ITPR1: variants seen among roughly 807,000 people sequenced by gnomAD.
ITPR1 encodes the protein inositol 1,4,5-trisphosphate receptor type 1, also known as inositol 1,4,5-trisphosphate-gated calcium channel ITPR1.
In ITPR1, 96 loss-of-function variants were observed where a neutral mutation model predicts 318.4. The ratio of observed to expected loss-of-function variants is 0.30; its 90% CI spans 0.26 to 0.36. The LOEUF (loss-of-function observed/expected upper bound fraction) is 0.36, where lower values mean the gene tolerates loss of function less well. Ranked by LOEUF, ITPR1 falls within the 10% of genes least tolerant of loss-of-function variation. The probability of loss-of-function intolerance (pLI) is 1.00; values close to 1 mark genes in which losing one functional copy is unlikely to be tolerated. For missense variants in ITPR1, 2,440 were observed against 3,460.2 expected, an observed-to-expected ratio of 0.71 and a Z score of 7.40; for synonymous variants, 1,312 against 1,289.9, an observed-to-expected ratio of 1.02 and a Z score of -0.37.
chr3:4,768,543 G>T lies in ITPR1; in HGVS notation c.5758G>T (p.Val1920Phe). The change falls in exon 46 of 62, where the codon GTC becomes TTC. Residue 1920 changes from valine (V) to phenylalanine (F), a missense_variant. Transcript: ENST00000649015. ...GCCCACAACACAGATAACAGAAGAG[G>T]TCCGGGATCAGCTCCTGGAGGCCTC... ...KEPTTQITEE[V>F]RDQLLEASAA... 6.2e-7 allele frequency: 1 copy of T among 1,613,686 alleles called. No individual in the cohort carries two copies. The highest frequency in any genetic ancestry group is 8.5e-7 in the Non-Finnish European group (1 of 1,179,688).
In ITPR1 at chr3:4,723,079, C is replaced by T. The variant is rs185891301; in HGVS notation, c.5137-2467C>T. Among the ~76,000 whole-genome samples, 440 of 152,220 alleles carry T rather than the reference C, an allele frequency of 2.9e-3. 3 individuals carry two copies. The highest frequency in any genetic ancestry group is 0.01 in the African/African-American group (420 of 41,532). On this transcript the variant is annotated intron_variant, in intron 40 of 61. Coordinates refer to ENST00000649015, the MANE Select transcript of ITPR1 (RefSeq NM_001378452.1). ...AGGAGAATCGCTTGAACCCTGGAGGCGGAGGTTGCAGTGAGCCGAGATCAT... is the reference window on the plus strand; with the variant it reads ...AGGAGAATCGCTTGAACCCTGGAGGTGGAGGTTGCAGTGAGCCGAGATCAT...
At chr3:4,643,598 T>TGG (rs36053326) in intron 7 of ITPR1, among the ~76,000 whole-genome samples, 5 of 149,758 alleles carry the variant, frequency 3.3e-5, no homozygotes, top group African/African-American at 1.2e-4. Flanking sequence ...ATTGTTTTTT[T>TGG]GGGGGGGGGG....
intron 10 of ITPR1, among the ~76,000 whole-genome samples, chr3:4,647,647 A>T (rs2093490498): frequency 1.3e-5 from 2 of 152,238 alleles, no homozygotes; most frequent in Non-Finnish European, 2.9e-5. Context: ...TAGTAGGTAC[A>T]TAGTGAAATT....
At chr3:4,581,218 A>C (rs1559483363) in intron 4 of ITPR1, among the ~76,000 whole-genome samples, 1 of 152,216 alleles carries the variant, frequency 6.6e-6, no homozygotes, top group Non-Finnish European at 1.5e-5. Context: ...AGCAGGGTAG[A>C]GGAGGACCAG....
chr3:4,790,206 G>A (rs1294751865), intron 52 of ITPR1, among the ~76,000 whole-genome samples: 1 of 152,090 alleles, frequency 6.6e-6, no homozygotes, highest in East Asian at 1.9e-4. Context: ...GGACCCTCAG[G>A]CCCAAAGAGT....
At chr3:4,640,575 A>G (rs1315663120) in intron 6 of ITPR1, among the ~76,000 whole-genome samples, 1 of 152,226 alleles carries the variant, frequency 6.6e-6, no homozygotes, top group East Asian at 1.9e-4. Flanking sequence ...ATTGGAGAAT[A>G]TGGCTTGAAA....
chr3:4,815,250 G>T (rs375473626), intron 59 of ITPR1, 32 bp downstream of exon 59: 48 of 1,609,662 alleles, frequency 3.0e-5, no homozygotes, highest in Middle Eastern at 1.6e-4. Flanking sequence ...CAGCAAGGGC[G>T]TGAAGGCCCA....
At chr3:4,614,458 G>A (rs1481472460) in intron 4 of ITPR1, among the ~76,000 whole-genome samples, 1 of 152,176 alleles carries the variant, frequency 6.6e-6, no homozygotes, top group African/African-American at 2.4e-5. Context: ...AGGACTTCAA[G>A]CAAAGTAGTT....
intron 4 of ITPR1, among the ~76,000 whole-genome samples, chr3:4,621,027 G>C (rs62231565): frequency 1.3e-5 from 2 of 151,144 alleles, no homozygotes; most frequent in African/African-American, 4.9e-5. Context: ...TGGATGTTTC[G>C]TATGCATCTC....
chr3:4,781,283 A>C (rs567437074), intron 49 of ITPR1, among the ~76,000 whole-genome samples: 5 of 152,328 alleles, frequency 3.3e-5, no homozygotes, highest in African/African-American at 1.2e-4. Flanking sequence ...ATGCCCACTG[A>C]ATCTTCAAAG....
intron 4 of ITPR1, among the ~76,000 whole-genome samples, chr3:4,598,776 TA>T (rs2091045945): frequency 6.6e-6 from 1 of 152,220 alleles, no homozygotes; most frequent in Admixed American, 6.5e-5. Context: ...AAATTATACC[TA>T]AAAATTTGGG....
chr3:4,734,252 C>T (rs2043124474), intron 43 of ITPR1, among the ~76,000 whole-genome samples: 1 of 152,188 alleles, frequency 6.6e-6, no homozygotes, highest in African/African-American at 2.4e-5. Context: ...TCTTTACTTT[C>T]TGTAGTGAGG....
intron 4 of ITPR1, among the ~76,000 whole-genome samples, chr3:4,591,458 C>T (rs6784607): frequency 0.9 from 137,570 of 152,276 alleles, 62,324 homozygotes; most frequent in Middle Eastern, 0.97. Context: ...AGGTTTTGAT[C>T]TGCATTTCTC....
chr3:4,692,144 A>AG (rs1250615707), intron 32 of ITPR1, among the ~76,000 whole-genome samples: 4 of 113,732 alleles, frequency 3.5e-5, no homozygotes, highest in African/African-American at 1.1e-4. Context: ...GTTGTCTCTT[A>AG]GAAAAAAAAT....
chr3:4,507,921 G>T (rs969451019), intron 2 of ITPR1, among the ~76,000 whole-genome samples: 3 of 152,308 alleles, frequency 2.0e-5, no homozygotes, highest in Admixed American at 2.0e-4. Context: ...GTTTAAGGAG[G>T]TTAAATGATT....
At chr3:4,554,764 T>C (rs1371211004) in intron 4 of ITPR1, among the ~76,000 whole-genome samples, 1 of 152,168 alleles carries the variant, frequency 6.6e-6, no homozygotes, top group East Asian at 1.9e-4. Context: ...AACCTGCCCC[T>C]GATTTTAAAA....
rs547392599 is a variant in ITPR1 at position 4,710,179 on chromosome 3, T to C, written c.4843-146T>C. On this transcript the variant is annotated intron_variant, in intron 37 of 61. Transcript: ENST00000649015. The surrounding 1 kb of genome is among the most constrained non-coding windows in gnomAD (Gnocchi z 4.2). Reference sequence around the variant, plus strand: ...TTTCAGGTAACCATTGGGCAATGTCTAATAATTTGAGATGCCAGACGGTAC... The same window carrying C: ...TTTCAGGTAACCATTGGGCAATGTCCAATAATTTGAGATGCCAGACGGTAC... 6 of 651,880 alleles carry C rather than the reference T, an allele frequency of 9.2e-6. No individual in the cohort carries two copies. The highest frequency in any genetic ancestry group is 4.5e-4 in the Middle Eastern group (1 of 2,198). 40.4% of individuals were successfully genotyped at this position (651,880 alleles called of 1,614,324 possible).
chr3:4,654,688 T>C (rs986528986), intron 12 of ITPR1, among the ~76,000 whole-genome samples: 5 of 152,258 alleles, frequency 3.3e-5, no homozygotes, highest in African/African-American at 1.2e-4. Flanking sequence ...GGTGTTTCTT[T>C]CTTTTTTTGG....
chr3:4,612,035 A>T, intron 4 of ITPR1, among the ~76,000 whole-genome samples: 1 of 151,140 alleles, frequency 6.6e-6, no homozygotes, highest in Non-Finnish European at 1.5e-5. Flanking sequence ...ATACAAATAA[A>T]ATTATAGCAT....
Sources: allele counts gnomAD v4.1 joint callset (sites outside exome capture counted in the v4.1 genomes callset), GRCh38; gene constraint gnomAD v4.1.1; non-coding constraint Gnocchi (gnomAD v3.1); transcripts MANE v1.5; gene names NCBI Gene and HGNC (gene_info 2026-07-23, HGNC 2026-07-21).